Variants in FILIP1 observed in about 807,000 individuals in gnomAD.
FILIP1 encodes filamin A interacting protein 1, also known as filamin-A-interacting protein 1.
FILIP1 carries 61 observed loss-of-function variants against 102.1 expected under a neutral mutation model. That is an observed-to-expected ratio of 0.60 (90% CI 0.49 to 0.74). The LOEUF (loss-of-function observed/expected upper bound fraction) is 0.74. Among genes scored for constraint, FILIP1 ranks in the 30% least tolerant of loss-of-function variants. The pLI is 0.00. For synonymous variants in FILIP1, 491 were observed against 526.9 expected, an observed-to-expected ratio of 0.93 and a Z score of 0.93; for missense variants, 1,314 against 1,441.2, an observed-to-expected ratio of 0.91 and a Z score of 1.43.
chr6:75,354,851 C>T (rs1774937105), intron 3 of FILIP1, among the ~76,000 whole-genome samples: 2 of 152,156 alleles, frequency 1.3e-5, no homozygotes, highest in South Asian at 4.1e-4. Context: ...TAATTTTCAT[C>T]ACAATCTGTT....
chr6:75,396,693 G>C (rs762027949), intron 2 of FILIP1, among the ~76,000 whole-genome samples: 59 of 152,178 alleles, frequency 3.9e-4, no homozygotes, highest in Middle Eastern at 6.8e-3. Flanking sequence ...ATAATCACCT[G>C]TGTCCTGTCT....
intron 6 of FILIP1, among the ~76,000 whole-genome samples, chr6:75,298,534 C>G (rs1407562676): frequency 6.6e-6 from 1 of 152,130 alleles, no homozygotes; most frequent in Non-Finnish European, 1.5e-5. Context: ...TCTATAGTTG[C>G]TTATTAGCTA....
At chr6:75,429,308 G>A (rs1344290536) in intron 1 of FILIP1, among the ~76,000 whole-genome samples, 1 of 152,178 alleles carries the variant, frequency 6.6e-6, no homozygotes, top group Non-Finnish European at 1.5e-5. Flanking sequence ...AGGGGGATGG[G>A]TGGAAGCAAG....
At chr6:75,459,056 C>A (rs1387599255) in intron 1 of FILIP1, among the ~76,000 whole-genome samples, 1 of 152,150 alleles carries the variant, frequency 6.6e-6, no homozygotes, top group Non-Finnish European at 1.5e-5. Context: ...TCAATTCTTG[C>A]CACATAAGGT....
chr6:75,305,623 T>C (rs1463159942), downstream of FILIP1, among the ~76,000 whole-genome samples: 2 of 152,198 alleles, frequency 1.3e-5, no homozygotes, highest in Non-Finnish European at 2.9e-5. Context: ...ATAAACACTC[T>C]TGAGGCTGTG....
chr6:75,449,543 G>A (rs1473581934), intron 1 of FILIP1, among the ~76,000 whole-genome samples: 1 of 152,022 alleles, frequency 6.6e-6, no homozygotes. Context: ...GCTACTCAGG[G>A]GTTGAGGCAG....
At chr6:75,472,774 G>C (rs986692237) in intron 1 of FILIP1, among the ~76,000 whole-genome samples, 4 of 152,104 alleles carry the variant, frequency 2.6e-5, no homozygotes, top group African/African-American at 9.7e-5. Context: ...TTAATGGACT[G>C]AATGGATTTA....
At chr6:75,357,508 T>A (rs971153396) in intron 3 of FILIP1, 1 of 152,234 alleles carries the variant, frequency 6.6e-6, no homozygotes, top group Non-Finnish European at 1.5e-5. Flanking sequence ...TCACCAACAC[T>A]AGCACAGCTT....
chr6:75,452,802 C>A (rs1274516971), intron 1 of FILIP1, among the ~76,000 whole-genome samples: 3 of 152,130 alleles, frequency 2.0e-5, no homozygotes, highest in Non-Finnish European at 4.4e-5. Context: ...GATTTATTTT[C>A]TTTATACTTA....
chr6:75,331,630 C>T (rs1685415606), intron 4 of FILIP1, among the ~76,000 whole-genome samples: 1 of 152,124 alleles, frequency 6.6e-6, no homozygotes, highest in South Asian at 2.1e-4. Flanking sequence ...CAATACCCTT[C>T]TCCTGTTGTC....
At chr6:75,429,518 G>A (rs1012031075) in intron 1 of FILIP1, among the ~76,000 whole-genome samples, 2 of 152,190 alleles carry the variant, frequency 1.3e-5, no homozygotes, top group Non-Finnish European at 2.9e-5. Flanking sequence ...CCCCTAGCAG[G>A]TATAAATAGA....
At chr6:75,453,690 T>C (rs936293947) in intron 1 of FILIP1, among the ~76,000 whole-genome samples, 1 of 152,172 alleles carries the variant, frequency 6.6e-6, no homozygotes, top group African/African-American at 2.4e-5. Context: ...TATGCACCTC[T>C]AGTCCTAGCT....
Position 75,355,794 on chromosome 6 carries a change from CAGTA to C in FILIP1, c.451-2081_451-2078del, listed in dbSNP as rs373758625. ...CAGGCCCTGGTACAAAGTTGATGTT[CAGTA>C]AGTGTTTGTTAAATTGGACCAAATC... On this transcript the variant is annotated intron_variant, in intron 3 of 5. Coordinates refer to ENST00000237172, the MANE Select transcript of FILIP1 (RefSeq NM_015687.5). Among the ~76,000 whole-genome samples the C allele has an allele frequency of 2.7e-4, 41 of 152,310 alleles. 1 individual carries two copies. Among genetic ancestry groups the C allele is most frequent in the Admixed American group, 1.6e-3 (24 of 15,306 alleles).
intron 1 of FILIP1, among the ~76,000 whole-genome samples, chr6:75,460,216 T>A (rs1194214912): frequency 6.6e-6 from 1 of 152,206 alleles, no homozygotes; most frequent in African/African-American, 2.4e-5. Flanking sequence ...GTGTGAGGCA[T>A]GATCAAGCTA....
At chr6:75,295,841 T>C (rs1772652447) in exon 7 of FILIP1, 4 of 1,063,962 alleles carry the variant, frequency 3.8e-6, no homozygotes, top group African/African-American at 1.6e-5. Flanking sequence ...TTAGTCATGA[T>C]TGAGGGCTGT....
chr6:75,442,378 G>C (rs1264049947), intron 1 of FILIP1, among the ~76,000 whole-genome samples: 2 of 152,162 alleles, frequency 1.3e-5, no homozygotes, highest in Non-Finnish European at 2.9e-5. Flanking sequence ...CTGCACTCTC[G>C]GCACTTTGGG....
At chr6:75,458,510 T>C (rs1291993176) in intron 1 of FILIP1, among the ~76,000 whole-genome samples, 1 of 152,198 alleles carries the variant, frequency 6.6e-6, no homozygotes, top group East Asian at 1.9e-4. Flanking sequence ...TCCATTTCTG[T>C]GTGGCTCAGA....
chr6:75,321,042 TCTC>T (rs776922777), intron 4 of FILIP1, among the ~76,000 whole-genome samples: 6 of 152,062 alleles, frequency 3.9e-5, no homozygotes, highest in Admixed American at 1.3e-4. Context: ...TCCTCCTCCT[TCTC>T]CTCCTCTTCC....
intron 4 of FILIP1, among the ~76,000 whole-genome samples, chr6:75,326,924 T>C (rs891646168): frequency 6.6e-6 from 1 of 152,222 alleles, no homozygotes; most frequent in Non-Finnish European, 1.5e-5. Flanking sequence ...ATACCTAGCA[T>C]TGTGTCAATG....
Sources: gnomAD v4.1 joint callset for allele counts (sites outside exome capture counted in the v4.1 genomes callset) on GRCh38, gnomAD v4.1.1 for gene constraint, MANE v1.5 for transcripts, NCBI Gene and HGNC (gene_info 2026-07-23, HGNC 2026-07-21) for gene names.